Variants in ATP8A2 observed in about 807,000 individuals in gnomAD.
ATP8A2 encodes the protein phospholipid-transporting ATPase IB.
ATP8A2 carries 100 observed loss-of-function variants against 165.6 expected under a neutral mutation model. That is an observed-to-expected ratio of 0.60 (90% CI 0.51 to 0.71). The LOEUF is 0.71. Ranked by LOEUF, ATP8A2 falls within the 30% of genes least tolerant of loss-of-function variation. The pLI is 0.00. For synonymous variants in ATP8A2, 543 were observed against 548.8 expected, an observed-to-expected ratio of 0.99 and a Z score of 0.15; for missense variants, 1,227 against 1,479.5, an observed-to-expected ratio of 0.83 and a Z score of 2.80.
intron 17 of ATP8A2, 34 bp downstream of exon 17, chr13:25,570,906 C>A: frequency 6.7e-7 from 1 of 1,495,022 alleles, no homozygotes; most frequent in Non-Finnish European, 9.3e-7. Context: ...CCTGCTGGCC[C>A]CTTCTCAGGA....
Position 25,372,062 on chromosome 13 carries a change from C to T in ATP8A2, c.-151C>T. ...GGCACGGACGGCGCAGCCTCGGGCGCGGCCCGGCACAGGCGCCGGCGGTCC... is the reference window on the plus strand; with the variant it reads ...GGCACGGACGGCGCAGCCTCGGGCGTGGCCCGGCACAGGCGCCGGCGGTCC... On this transcript the variant is annotated 5_prime_UTR_variant, in exon 1 of 37. Coordinates refer to ENST00000381655, the MANE Select transcript of ATP8A2 (RefSeq NM_016529.6). The surrounding 1 kb of genome is among the most constrained non-coding windows in gnomAD (Gnocchi z 4.8). 1 of 378,354 alleles carries T rather than the reference C, an allele frequency of 2.6e-6. No individual in the cohort carries two copies. Among genetic ancestry groups the T allele is most frequent in the Non-Finnish European group, 4.3e-6 (1 of 235,144 alleles). 23.4% of individuals were successfully genotyped at this position (378,354 alleles called of 1,614,324 possible).
At chr13:25,530,805 T>G (rs9581377) in intron 4 of ATP8A2, 145 bp downstream of exon 4, 391,603 of 608,676 alleles carry the variant, frequency 0.64, 133,210 homozygotes, top group African/African-American at 0.83. Context: ...TTAGGGGGAG[T>G]TAATGTATAC....
intron 25 of ATP8A2, among the ~76,000 whole-genome samples, chr13:25,730,192 C>CA (rs1437463074): frequency 1.3e-5 from 2 of 152,092 alleles, no homozygotes; most frequent in Admixed American, 1.3e-4. Flanking sequence ...TCTGGAGGCT[C>CA]AGTTGGGAGG....
chr13:25,661,718 G>A (rs965321093), intron 24 of ATP8A2, among the ~76,000 whole-genome samples: 1 of 152,192 alleles, frequency 6.6e-6, no homozygotes, highest in Admixed American at 6.5e-5. Context: ...CCTACCCAGA[G>A]TACCTACTTT....
chr13:26,018,572 T>A (rs1957033350), intron 36 of ATP8A2, among the ~76,000 whole-genome samples: 1 of 152,222 alleles, frequency 6.6e-6, no homozygotes, highest in Non-Finnish European at 1.5e-5. Flanking sequence ...TTGGCCAGAA[T>A]GTCTAATTGA....
intron 25 of ATP8A2, among the ~76,000 whole-genome samples, chr13:25,739,427 T>A (rs1331147552): frequency 6.6e-6 from 1 of 152,232 alleles, no homozygotes; most frequent in Non-Finnish European, 1.5e-5. Context: ...CCTATGGATT[T>A]TTAACTTGCT....
At chr13:25,870,887 C>A (rs1952657542) in intron 33 of ATP8A2, among the ~76,000 whole-genome samples, 1 of 152,324 alleles carries the variant, frequency 6.6e-6, no homozygotes, top group Non-Finnish European at 1.5e-5. Flanking sequence ...TGTGTTTGAG[C>A]TGCAATCTTC....
intron 33 of ATP8A2, among the ~76,000 whole-genome samples, chr13:25,897,598 G>A (rs1235857721): frequency 6.6e-6 from 1 of 152,186 alleles, no homozygotes; most frequent in Non-Finnish European, 1.5e-5. Context: ...TGGATTTGGG[G>A]AAGTTCTCCT....
intron 33 of ATP8A2, among the ~76,000 whole-genome samples, chr13:25,877,432 T>C (rs1266127287): frequency 1.3e-5 from 2 of 152,234 alleles, no homozygotes; most frequent in Non-Finnish European, 2.9e-5. Context: ...TAAAGCGATG[T>C]TTGAAGCTGT....
chr13:25,588,289 C>G (rs2039978260), intron 23 of ATP8A2, among the ~76,000 whole-genome samples: 1 of 152,154 alleles, frequency 6.6e-6, no homozygotes, highest in Non-Finnish European at 1.5e-5. Context: ...TTTCCTTCAA[C>G]CCCTTCATTC....
chr13:25,897,285 C>G (rs1158547624), intron 33 of ATP8A2, among the ~76,000 whole-genome samples: 6 of 152,284 alleles, frequency 3.9e-5, no homozygotes, highest in Non-Finnish European at 7.3e-5. Context: ...TTCTCCTTCA[C>G]TTACGAAGCT....
chr13:25,933,787 T>G (rs1434905431), intron 33 of ATP8A2, among the ~76,000 whole-genome samples: 1 of 152,240 alleles, frequency 6.6e-6, no homozygotes, highest in East Asian at 1.9e-4. Context: ...AGAGTACATT[T>G]CAAGTGACAA....
At chr13:25,582,023 A>G in intron 23 of ATP8A2, 66 bp downstream of exon 23, 1 of 1,384,858 alleles carries the variant, frequency 7.2e-7, no homozygotes, top group Non-Finnish European at 1.0e-6. Context: ...TATCTTTTAA[A>G]TGTGTCTAAA....
chr13:25,577,439 T>C (rs946147779), intron 20 of ATP8A2, among the ~76,000 whole-genome samples: 1 of 152,210 alleles, frequency 6.6e-6, no homozygotes, highest in African/African-American at 2.4e-5. Flanking sequence ...ACCAGCATTG[T>C]GTTTTGACTT....
chr13:25,402,404 G>A (rs1270580269), intron 1 of ATP8A2, among the ~76,000 whole-genome samples: 1 of 152,210 alleles, frequency 6.6e-6, no homozygotes, highest in African/African-American at 2.4e-5. Context: ...GGCCCTGCGT[G>A]TGTTAGGGTA....
rs145024142 is a variant in ATP8A2, at chr13:25,822,047, C to G, written c.2680-6071C>G. On this transcript the variant is annotated intron_variant, in intron 27 of 36. Coordinates refer to ENST00000381655, the MANE Select transcript of ATP8A2 (RefSeq NM_016529.6). ...GCATATATGAGTATGTACATCTGTT[C>G]TGCACAGTCATGGCCATTCAATACT... 5.3e-3 allele frequency among the ~76,000 whole-genome samples: 808 copies of G among 152,264 alleles called. 3 individuals carry two copies. The highest frequency in any genetic ancestry group is 8.4e-3 in the Admixed American group (128 of 15,286).
intron 36 of ATP8A2, among the ~76,000 whole-genome samples, chr13:26,016,594 TAAGATACCTTTCCCGAAAGGAC>T: frequency 6.6e-6 from 1 of 152,330 alleles, no homozygotes; most frequent in East Asian, 1.9e-4. Context: ...TTCCAAAGGC[TAAGATACCTTTCCCGAAAGGAC>T]ACTCCCTAAT....
chr13:26,002,507 A>G (rs1956648300), intron 35 of ATP8A2, among the ~76,000 whole-genome samples: 1 of 151,822 alleles, frequency 6.6e-6, no homozygotes, highest in Non-Finnish European at 1.5e-5. Flanking sequence ...CGGCACATGT[A>G]TACATATGTA....
chr13:25,523,534 G>C (rs1361344479), intron 2 of ATP8A2, among the ~76,000 whole-genome samples: 1 of 152,072 alleles, frequency 6.6e-6, no homozygotes, highest in East Asian at 1.9e-4. Context: ...TTATGGCTTT[G>C]ATTTAGTTAC....
Sources: allele counts gnomAD v4.1 joint callset (sites outside exome capture counted in the v4.1 genomes callset), GRCh38; gene constraint gnomAD v4.1.1; non-coding constraint Gnocchi (gnomAD v3.1); transcripts MANE v1.5; gene names NCBI Gene and HGNC (gene_info 2026-07-23, HGNC 2026-07-21).